LRP2: variants seen among roughly 807,000 people sequenced by gnomAD.
The protein encoded by LRP2 is low-density lipoprotein receptor-related protein 2.
A neutral mutation model predicts 531.0 loss-of-function variants in LRP2; 172 were observed. The observed-to-expected ratio is 0.32, with a 90% CI of 0.29 to 0.37. LRP2 has a LOEUF of 0.37. Ranked by LOEUF, LRP2 falls within the 10% of genes least tolerant of loss-of-function variation. The pLI is 1.00. For synonymous variants in LRP2, 1,992 were observed against 2,027.6 expected (o/e 0.98, Z 0.47); for missense variants, 5,167 against 5,868.3 (o/e 0.88, Z 3.90).
In LRP2 at chr2:169,279,608, C is replaced by T. The variant is rs372705473; in HGVS notation, c.1342-13G>A. 290 of 1,523,494 alleles carry T rather than the reference C, an allele frequency of 1.9e-4. No individual in the cohort carries two copies. The highest frequency in any genetic ancestry group is 2.5e-4 in the Non-Finnish European group (275 of 1,098,928). 94.4% of individuals were successfully genotyped at this position (1,523,494 alleles called of 1,614,324 possible). On this transcript the variant is annotated splice_polypyrimidine_tract_variant and intron_variant, in intron 11 of 78. Transcript: ENST00000649046. ...CAACTGAAAAAACCTGAAAGAAAAA[C>T]CAAAATTATTATATTTCTTCAGCAT... is the stretch of plus-strand genomic sequence containing the variant.
At chr2:169,270,604 C>T (rs1030015390) in intron 16 of LRP2, among the ~76,000 whole-genome samples, 1 of 83,776 alleles carries the variant, frequency 1.2e-5, no homozygotes, top group African/African-American at 5.0e-5. Flanking sequence ...CAGGGCCTGT[C>T]GTGGGGTGGG....
At chr2:169,304,233 G>C (rs1287349057) in intron 4 of LRP2, among the ~76,000 whole-genome samples, 1 of 152,166 alleles carries the variant, frequency 6.6e-6, no homozygotes, top group East Asian at 1.9e-4. Flanking sequence ...TGGTGGTACA[G>C]GCCTCTGGTG....
rs145722418 is a variant in LRP2, at chr2:169,294,895, TAATC to T, written c.428-189_428-186del. Reference sequence around the variant, plus strand: ...AAGGCTGGACATGGGAGACAGACATTAATCAAATAAGACACAAATGGTAAATTAC... The same window carrying T: ...AAGGCTGGACATGGGAGACAGACATTAAATAAGACACAAATGGTAAATTAC... On this transcript the variant is annotated intron_variant, in intron 4 of 78. Transcript: ENST00000649046. Among the ~76,000 whole-genome samples the T allele has an allele frequency of 0.63, 96,098 of 151,552 alleles. 32,230 individuals carry two copies. The highest frequency in any genetic ancestry group is 0.76 in the Middle Eastern group (223 of 292).
intron 4 of LRP2, 53 bp from the exon 5 acceptor site, chr2:169,294,763 C>T (rs1252740767): frequency 4.4e-6 from 5 of 1,147,294 alleles, no homozygotes; most frequent in Non-Finnish European, 6.4e-6. Flanking sequence ...AGTAAACAAA[C>T]CTTAAATTTC....
intron 75 of LRP2, among the ~76,000 whole-genome samples, chr2:169,137,983 G>GC (rs1468361253): frequency 6.6e-6 from 1 of 152,168 alleles, no homozygotes; most frequent in African/African-American, 2.4e-5. Context: ...CCCCCTCAGT[G>GC]CCAAGACTGT....
chr2:169,289,593 A>G (rs886956515), intron 8 of LRP2, among the ~76,000 whole-genome samples: 4 of 152,110 alleles, frequency 2.6e-5, no homozygotes, highest in African/African-American at 9.7e-5. Context: ...CTCCTTTTTA[A>G]AGTTATAACT....
At chr2:169,240,926 T>TGCACA (rs765805103) in intron 25 of LRP2, 62 bp downstream of exon 25, 2 of 1,589,144 alleles carry the variant, frequency 1.3e-6, no homozygotes, top group Admixed American at 3.3e-5. Context: ...ACAATGGTGA[T>TGCACA]GCACACCAGG....
At chr2:169,354,564 A>G (rs1489789970) in intron 1 of LRP2, among the ~76,000 whole-genome samples, 1 of 152,202 alleles carries the variant, frequency 6.6e-6, no homozygotes, top group African/African-American at 2.4e-5. Flanking sequence ...ATTATCTAGG[A>G]AAGACTTACA....
Position 169,187,086 on chromosome 2 carries a change from A to G in LRP2, c.9328+884T>C, listed in dbSNP as rs372799012. ...AAATTTTTTTCTTTTTTTTTCTTCA[A>G]CTTTTAAGTTCAGGGGTACATGTGC... On this transcript the variant is annotated intron_variant, in intron 49 of 78. Transcript: ENST00000649046. Among the ~76,000 whole-genome samples the G allele has an allele frequency of 3.3e-5, 5 of 151,970 alleles. 1 individual carries two copies. The highest frequency in any genetic ancestry group is 1.9e-4 in the East Asian group (1 of 5,166).
chr2:169,291,303 G>A (rs1355951577), intron 7 of LRP2, among the ~76,000 whole-genome samples: 2 of 152,180 alleles, frequency 1.3e-5, no homozygotes, highest in African/African-American at 2.4e-5. Context: ...AAGAAAAGAT[G>A]TAGTTATTTA....
chr2:169,346,347 A>G lies in LRP2; in HGVS notation c.79+15974T>C, dbSNP rs371915280. Among the ~76,000 whole-genome samples the G allele has an allele frequency of 3.9e-5, 6 of 152,282 alleles. No homozygotes were observed. The South Asian group carries it at 1.2e-3, about 32-fold the overall frequency. ...TTTTTCACTAGAATCTTAGCTTTCAATGATTACTTAGCAAATTCTTTCAAC... is the reference window on the plus strand; with the variant it reads ...TTTTTCACTAGAATCTTAGCTTTCAGTGATTACTTAGCAAATTCTTTCAAC... On this transcript the variant is annotated intron_variant, in intron 1 of 78. Transcript: ENST00000649046.
chr2:169,193,976 G>T, intron 46 of LRP2, 84 bp from the exon 47 acceptor site: 2 of 1,496,272 alleles, frequency 1.3e-6, no homozygotes, highest in Non-Finnish European at 1.9e-6. Flanking sequence ...AGCATGGGTT[G>T]TCTAGAAAAC....
At chr2:169,168,047 G>A (rs376843026) in intron 61 of LRP2, among the ~76,000 whole-genome samples, 20 of 32,176 alleles carry the variant, frequency 6.2e-4, no homozygotes, top group Admixed American at 2.0e-3. Context: ...ATATATATAT[G>A]CATCATTCAG....
In LRP2 at chr2:169,151,042, C is replaced by A. The variant is rs1182001719; in HGVS notation, c.12462-16G>T. 2.5e-6 allele frequency: 4 copies of A among 1,613,598 alleles called. No homozygotes were observed. The highest frequency in any genetic ancestry group is 3.4e-6 in the Non-Finnish European group (4 of 1,179,626). On this transcript the variant is annotated splice_polypyrimidine_tract_variant and intron_variant, in intron 67 of 78. Coordinates refer to ENST00000649046, the MANE Select transcript of LRP2 (RefSeq NM_004525.3). Reference sequence around the variant, plus strand: ...GTAAATATGCCTGAATTCAGAGGGACAAAGTTAAACAACTGCAAAGCCTAG... The same window carrying A: ...GTAAATATGCCTGAATTCAGAGGGAAAAAGTTAAACAACTGCAAAGCCTAG...
intron 48 of LRP2, among the ~76,000 whole-genome samples, chr2:169,188,562 T>A (rs1479923203): frequency 1.3e-5 from 2 of 152,258 alleles, no homozygotes; most frequent in Non-Finnish European, 2.9e-5. Context: ...TTAGTAGGTC[T>A]ATAGCTATTA....
chr2:169,150,692 T>C (rs1265122681), intron 68 of LRP2, among the ~76,000 whole-genome samples: 1 of 152,212 alleles, frequency 6.6e-6, no homozygotes, highest in African/African-American at 2.4e-5. Flanking sequence ...TCAGATGTGT[T>C]CTAAAGGAAT....
chr2:169,271,119 A>G lies in LRP2; in HGVS notation c.2117-12T>C, dbSNP rs1160070954. ...GAAATTCTGAACAGCTGTAGGAAGA[A>G]TAACACAGCACAGTCAGTCACAGCA... On this transcript the variant is annotated splice_polypyrimidine_tract_variant and intron_variant, in intron 15 of 78. Transcript: ENST00000649046. 6.3e-7 allele frequency: 1 copy of G among 1,593,766 alleles called. No individual in the cohort carries two copies. The highest frequency in any genetic ancestry group is 1.7e-5 in the Admixed American group (1 of 59,570).
At chr2:169,211,365 G>C (rs1688585552) in intron 37 of LRP2, among the ~76,000 whole-genome samples, 1 of 152,156 alleles carries the variant, frequency 6.6e-6, no homozygotes, top group South Asian at 2.1e-4. Context: ...CATCTAGGAA[G>C]CAAGTGATCG....
intron 65 of LRP2, 103 bp from the exon 66 acceptor site, chr2:169,154,706 A>G: frequency 9.7e-7 from 1 of 1,026,508 alleles, no homozygotes; most frequent in South Asian, 1.3e-5. Flanking sequence ...TTTAAAGAAC[A>G]TGAGTTTTTA....
Sources: allele counts gnomAD v4.1 joint callset (sites outside exome capture counted in the v4.1 genomes callset), GRCh38; gene constraint gnomAD v4.1.1; transcripts MANE v1.5; gene names NCBI Gene and HGNC (gene_info 2026-07-23, HGNC 2026-07-21).